Variants in CSNK1G1 observed in about 807,000 individuals in gnomAD.
The protein encoded by CSNK1G1 is casein kinase 1 gamma 1.
CSNK1G1 carries 22 observed loss-of-function variants against 59.6 expected under a neutral mutation model. The ratio of observed to expected loss-of-function variants is 0.37; its 90% CI spans 0.26 to 0.53. The LOEUF is 0.53. CSNK1G1 is among the 20% of genes least tolerant of loss of function. The probability of loss-of-function intolerance (pLI) is 0.89; values close to 1 mark genes in which losing one functional copy is unlikely to be tolerated. For synonymous variants in CSNK1G1, 179 were observed against 177.1 expected (o/e 1.01, Z -0.08); for missense variants, 384 against 519.5 (o/e 0.74, Z 2.54).
intron 10 of CSNK1G1, among the ~76,000 whole-genome samples, chr15:64,183,042 A>G (rs1161643120): frequency 6.6e-6 from 1 of 152,232 alleles, no homozygotes; most frequent in Non-Finnish European, 1.5e-5. Flanking sequence ...CAGGAAACAT[A>G]GTAAGTTTCT....
chr15:64,220,501 C>CTTT lies in CSNK1G1; in HGVS notation c.293-3791_293-3789dup, dbSNP rs58347087. On this transcript the variant is annotated intron_variant, in intron 4 of 11. Coordinates refer to ENST00000303052, the MANE Select transcript of CSNK1G1 (RefSeq NM_022048.5). ...TGGAAGCAGAAATGAGTGTATAACT[C>CTTT]TTTTTTTTTTTTTTATTCAGAGTCT... Among the ~76,000 whole-genome samples, 28 of 140,328 alleles carry CTTT rather than the reference C, an allele frequency of 2.0e-4. 1 individual carries two copies. The highest frequency in any genetic ancestry group is 6.5e-4 in the African/African-American group (25 of 38,718). 92.1% of individuals were successfully genotyped at this position (140,328 alleles called of 152,430 possible).
At chr15:64,310,843 A>G (rs1194827924) in intron 1 of CSNK1G1, among the ~76,000 whole-genome samples, 1 of 151,704 alleles carries the variant, frequency 6.6e-6, no homozygotes, top group East Asian at 2.0e-4. Context: ...CATCTCTACT[A>G]AAAATACAAA....
At chr15:64,237,982 T>C (rs2140300387) in intron 4 of CSNK1G1, among the ~76,000 whole-genome samples, 1 of 152,332 alleles carries the variant, frequency 6.6e-6, no homozygotes, top group Middle Eastern at 3.4e-3. Flanking sequence ...ACATGGCACA[T>C]GCATTCAACA....
At chr15:64,244,996 G>C (rs1891674070) in intron 4 of CSNK1G1, among the ~76,000 whole-genome samples, 1 of 152,106 alleles carries the variant, frequency 6.6e-6, no homozygotes, top group African/African-American at 2.4e-5. Context: ...TTTGGAACCA[G>C]CTAATTTTCA....
chr15:64,246,458 C>T (rs985479742), intron 4 of CSNK1G1, among the ~76,000 whole-genome samples: 3 of 151,924 alleles, frequency 2.0e-5, no homozygotes, highest in African/African-American at 4.8e-5. Flanking sequence ...TCCATCCCTA[C>T]AAAAAACTAA....
rs374310160 is a variant in CSNK1G1 at position 64,204,868 on chromosome 15, G to A, written c.847C>T (p.Pro283Ser). 6.2e-7 allele frequency: 1 copy of A among 1,603,590 alleles called. No homozygotes were observed. Among genetic ancestry groups the A allele is most frequent in the Non-Finnish European group, 8.5e-7 (1 of 1,170,738 alleles). ...TPIEALCENF[P>S]EEMATYLRYV... The stretch of plus-strand genomic sequence containing the variant: ...GAATGTCTTTTTAGCATCCCACCTG[G>A]AAAGTTCTCACAGAGAGCTTCAATG... Residue 283 changes from proline to serine, a missense_variant, in exon 8 of 12, where the codon CCA (proline) becomes TCA (serine). Physicochemically the swap from Pro to Ser is moderately conservative, Grantham distance 74 (BLOSUM62 -1). Transcript: ENST00000303052.
rs114610595 is a variant in CSNK1G1 at position 64,272,764 on chromosome 15, G to T, written c.182-13523C>A. Among the ~76,000 whole-genome samples, 1,086 of 152,080 alleles carry T rather than the reference G, an allele frequency of 7.1e-3. 15 individuals carry two copies. Among genetic ancestry groups the T allele is most frequent in the African/African-American group, 0.024 (1,004 of 41,454 alleles). On this transcript the variant is annotated intron_variant, in intron 2 of 11. Coordinates refer to ENST00000303052, the MANE Select transcript of CSNK1G1 (RefSeq NM_022048.5). ...TGTAAGGCAGGTCTGGTGGTGTTTT[G>T]GAATGGGGTCTTGCTCTGTCGCCCA...
At position 64,200,041 on chromosome 15, in the gene CSNK1G1, T is replaced by C. The variant is rs2082088438; in HGVS notation, c.1107+3041A>G. Among the ~76,000 whole-genome samples the C allele has an allele frequency of 6.6e-6, 1 of 151,952 alleles. No individual in the cohort carries two copies. Among genetic ancestry groups the C allele is most frequent in the Non-Finnish European group, 1.5e-5 (1 of 67,992 alleles). ...AGGTGGATCACCTGAGGTTAGGAGTTCCAGACTAGCCTGGCCAACATGGTG... is the reference window on the plus strand; with the variant it reads ...AGGTGGATCACCTGAGGTTAGGAGTCCCAGACTAGCCTGGCCAACATGGTG... On this transcript the variant is annotated intron_variant, in intron 10 of 11. Transcript: ENST00000303052. This position sits in a 1 kb window ranked among gnomAD's most constrained non-coding sequence, Gnocchi z 4.3.
chr15:64,197,681 C>G (rs964127737), intron 10 of CSNK1G1, among the ~76,000 whole-genome samples: 1 of 152,182 alleles, frequency 6.6e-6, no homozygotes, highest in South Asian at 2.1e-4. Flanking sequence ...TTAATGATTT[C>G]CATGTTTGCT....
chr15:64,347,318 C>T (rs1898029375), intron 1 of CSNK1G1, among the ~76,000 whole-genome samples: 1 of 152,076 alleles, frequency 6.6e-6, no homozygotes, highest in Admixed American at 6.6e-5. Flanking sequence ...GAGCTGAAAA[C>T]TTTTAATGAT....
At chr15:64,212,655 G>C (rs1284597588) in intron 6 of CSNK1G1, among the ~76,000 whole-genome samples, 1 of 152,190 alleles carries the variant, frequency 6.6e-6, no homozygotes, top group Non-Finnish European at 1.5e-5. Context: ...GTTATAGTGA[G>C]CTATGATCAC....
chr15:64,205,861 T>C (rs899457361), intron 7 of CSNK1G1, among the ~76,000 whole-genome samples: 3 of 152,118 alleles, frequency 2.0e-5, no homozygotes, highest in African/African-American at 4.8e-5. Flanking sequence ...TCAAAGGGAA[T>C]GGGTGGAAGT....
At chr15:64,273,119 A>G (rs1893415098) in intron 2 of CSNK1G1, among the ~76,000 whole-genome samples, 1 of 152,206 alleles carries the variant, frequency 6.6e-6, no homozygotes, top group Non-Finnish European at 1.5e-5. Flanking sequence ...AACTTACTGC[A>G]CTGTATATTT....
intron 2 of CSNK1G1, among the ~76,000 whole-genome samples, chr15:64,266,721 G>A (rs534386296): frequency 2.9e-4 from 44 of 152,208 alleles, no homozygotes; most frequent in Middle Eastern, 3.4e-3. Flanking sequence ...ACATTTACAG[G>A]TAACTGATTT....
intron 2 of CSNK1G1, among the ~76,000 whole-genome samples, chr15:64,286,845 GT>G (rs1451744009): frequency 3.9e-5 from 6 of 152,102 alleles, no homozygotes; most frequent in African/African-American, 1.4e-4. Context: ...ATTTACCAAT[GT>G]TTTTCCTCCT....
intron 1 of CSNK1G1, among the ~76,000 whole-genome samples, chr15:64,334,808 C>T (rs183187854): frequency 2.6e-5 from 4 of 152,348 alleles, no homozygotes; most frequent in Non-Finnish European, 4.4e-5. Context: ...CACTCACTTC[C>T]TGCTATGCAG....
At chr15:64,211,480 T>C in intron 6 of CSNK1G1, among the ~76,000 whole-genome samples, 1 of 152,142 alleles carries the variant, frequency 6.6e-6, no homozygotes, top group East Asian at 1.9e-4. Flanking sequence ...GTAAGCCAAG[T>C]CTGGGGGTAA....
Position 64,203,191 on chromosome 15 carries a change from T to C in CSNK1G1, c.1000-2A>G. On this transcript the variant is annotated splice_acceptor_variant, in intron 9 of 11. Coordinates refer to ENST00000303052, the MANE Select transcript of CSNK1G1 (RefSeq NM_022048.5). LOFTEE classifies it high-confidence loss of function. ...GTGAACTGACCCTACTGGAGTAGGC[T>C]AGAAAAATGAAACAAAAAGTCAAAT... 6.2e-7 allele frequency: 1 copy of C among 1,610,256 alleles called. No homozygotes were observed.
chr15:64,322,489 C>T (rs1002117092), intron 1 of CSNK1G1, among the ~76,000 whole-genome samples: 7 of 151,912 alleles, frequency 4.6e-5, no homozygotes, highest in African/African-American at 1.2e-4. Context: ...CAGCATGAGC[C>T]GCCATGTCTG....
Sources: allele counts gnomAD v4.1 joint callset (sites outside exome capture counted in the v4.1 genomes callset), GRCh38; gene constraint gnomAD v4.1.1; non-coding constraint Gnocchi (gnomAD v3.1); transcripts MANE v1.5; gene names NCBI Gene and HGNC (gene_info 2026-07-23, HGNC 2026-07-21).